The following SGTA variants were observed in gnomAD, a reference collection of about 807,000 sequenced individuals.
SGTA encodes small glutamine-rich tetratricopeptide repeat-containing protein alpha.
In SGTA, 22 loss-of-function variants were observed where a neutral mutation model predicts 44.3. The observed-to-expected ratio is 0.50, with a 90% confidence interval of 0.36 to 0.71. SGTA has a LOEUF of 0.71. SGTA is among the 30% of genes least tolerant of loss of function. SGTA has a pLI of 0.00. For missense variants in SGTA, 341 were observed against 435.9 expected (o/e 0.78, Z 1.94); for synonymous variants, 174 against 177.6 (o/e 0.98, Z 0.16).
At position 2,761,337 on chromosome 19, in the gene SGTA, C is replaced by A; in HGVS notation, c.699+123G>T. On this transcript the variant is annotated intron_variant, in intron 8 of 11. Transcript: ENST00000221566. The surrounding 1 kb of genome is among the most constrained non-coding windows in gnomAD (Gnocchi z 5.7). ...CCCAGGACGACCCCACAGACAAGAC[C>A]CATCTGGTTCCAGAAGCCAGCAGTG... The A allele has an allele frequency of 4.4e-6, 4 of 916,862 alleles. No individual in the cohort carries two copies. The highest frequency in any genetic ancestry group is 6.8e-6 in the Non-Finnish European group (4 of 587,218). The allele number at this position is 916,862 out of a possible 1,614,324, so 56.8% of individuals were successfully genotyped here.
chr19:2,770,073 T>C (rs912924898), intron 1 of SGTA: 38 of 50,798 alleles, frequency 7.5e-4, no homozygotes, highest in Non-Finnish European at 1.5e-4. Context: ...CCCCCCCGGA[T>C]ACCCTCCTGG....
At chr19:2,778,769 G>A (rs963318385) in intron 1 of SGTA, among the ~76,000 whole-genome samples, 4 of 152,080 alleles carry the variant, frequency 2.6e-5, no homozygotes, top group African/African-American at 9.7e-5. Flanking sequence ...AACAAAGTGA[G>A]GCCCTGTCTC....
At position 2,761,589 on chromosome 19, in the gene SGTA, A is replaced by G; in HGVS notation, c.637-67T>C. The G allele has an allele frequency of 2.2e-6, 3 of 1,335,510 alleles. No homozygotes were observed. Among genetic ancestry groups the G allele is most frequent in the Non-Finnish European group, 3.1e-6 (3 of 952,634 alleles). The allele number at this position is 1,335,510 out of a possible 1,614,324, so 82.7% of individuals were successfully genotyped here. ...AGGCCACGGTGAATAACCCCCTGGA[A>G]CTCAGAAACAACGGCCCCCCACGGG... On this transcript the variant is annotated intron_variant, in intron 7 of 11. Transcript: ENST00000221566. This position sits in a 1 kb window ranked among gnomAD's most constrained non-coding sequence, Gnocchi z 5.7.
intron 1 of SGTA, among the ~76,000 whole-genome samples, chr19:2,769,855 G>GCGGACACCAGCCTGGTTCCCCCAC (rs1915253244): frequency 1.4e-5 from 1 of 73,098 alleles, no homozygotes; most frequent in East Asian, 3.8e-4. Flanking sequence ...GGTTCCCCCA[G>GCGGACACCAGCCTGGTTCCCCCAC]CGGACACCAG....
chr19:2,777,091 G>C (rs1915460588), intron 1 of SGTA, among the ~76,000 whole-genome samples: 1 of 151,306 alleles, frequency 6.6e-6, no homozygotes, highest in Admixed American at 6.6e-5. Context: ...GTGAAACCCA[G>C]TGTACAAAAA....
intron 1 of SGTA, among the ~76,000 whole-genome samples, chr19:2,776,020 G>A (rs941159903): frequency 2.6e-5 from 4 of 152,156 alleles, no homozygotes; most frequent in Admixed American, 1.3e-4. Flanking sequence ...GCCTAGAGCC[G>A]GCGGGCAGCC....
intron 1 of SGTA, among the ~76,000 whole-genome samples, chr19:2,772,412 G>T (rs1050399098): frequency 6.6e-6 from 1 of 152,218 alleles, no homozygotes; most frequent in Non-Finnish European, 1.5e-5. Context: ...AGGAGGCCAC[G>T]GCTCCTCCTT....
chr19:2,776,631 A>G (rs937986488), intron 1 of SGTA, among the ~76,000 whole-genome samples: 1 of 152,196 alleles, frequency 6.6e-6, no homozygotes, highest in Non-Finnish European at 1.5e-5. Context: ...TAGCTGTGTG[A>G]ATGTGCTTAA....
At chr19:2,766,556 C>T (rs572956727) in intron 4 of SGTA, among the ~76,000 whole-genome samples, 14 of 152,226 alleles carry the variant, frequency 9.2e-5, no homozygotes, top group Admixed American at 8.5e-4. Context: ...CCTCAGCCTC[C>T]TGAGTAGTTG....
intron 1 of SGTA, among the ~76,000 whole-genome samples, chr19:2,778,842 G>A (rs1359597133): frequency 6.6e-6 from 1 of 152,188 alleles, no homozygotes; most frequent in Non-Finnish European, 1.5e-5. Context: ...AGGGAGCAAG[G>A]AGGTGAATCC....
Position 2,757,689 on chromosome 19 carries a change from T to C in SGTA, c.827+4A>G. ...TCCGTCCTCTTGGAAGCAGTTCCAC[T>C]CACGCCTGGATGAGGCTGGCCAGGT... is the stretch of plus-strand genomic sequence containing the variant. On this transcript the variant is annotated splice_donor_region_variant and intron_variant, in intron 10 of 11. Transcript: ENST00000221566. The C allele has an allele frequency of 6.4e-7, 1 of 1,565,382 alleles. No homozygotes were observed. Among genetic ancestry groups the C allele is most frequent in the Non-Finnish European group, 8.6e-7 (1 of 1,156,290 alleles).
rs1436348575 is a variant in SGTA at position 2,767,404 on chromosome 19, G to T, written c.207+176C>A. Among the ~76,000 whole-genome samples, 2 of 152,122 alleles carry T rather than the reference G, an allele frequency of 1.3e-5. No individual in the cohort carries two copies. Among genetic ancestry groups the T allele is most frequent in the Non-Finnish European group, 2.9e-5 (2 of 67,990 alleles). On this transcript the variant is annotated intron_variant, in intron 3 of 11. Transcript: ENST00000221566. This position sits in a 1 kb window ranked among gnomAD's most constrained non-coding sequence, Gnocchi z 7.3. ...GTGACCACAGCGCTATGTGTCTCAG[G>T]ACCCGCCGATAGGGGGAGGAGGGCC...
In SGTA at chr19:2,755,892, C is replaced by G. The variant is rs912664818; in HGVS notation, c.*48G>C. 6 of 985,604 alleles carry G rather than the reference C, an allele frequency of 6.1e-6. No individual in the cohort carries two copies. The highest frequency in any genetic ancestry group is 7.2e-6 in the Non-Finnish European group (6 of 830,138). 61.1% of individuals were successfully genotyped at this position (985,604 alleles called of 1,614,324 possible). On this transcript the variant is annotated 3_prime_UTR_variant, in exon 12 of 12. Coordinates refer to ENST00000221566, the MANE Select transcript of SGTA (RefSeq NM_003021.4). This position sits in a 1 kb window ranked among gnomAD's most constrained non-coding sequence, Gnocchi z 5.2. ...AAGTGGCAGACAACCAGAAGGCTTC[C>G]TTCGGGTCGGCCAGGGAAGGACGCG...
chr19:2,768,947 G>C, intron 2 of SGTA, 22 bp downstream of exon 2: 1 of 1,566,384 alleles, frequency 6.4e-7, no homozygotes, highest in Non-Finnish European at 8.8e-7. Context: ...GGGAGAGGGG[G>C]AAGTGGCAGG....
In SGTA at chr19:2,757,370, G is replaced by A. The variant is rs1056199653; in HGVS notation, c.915C>T (p.Ser305=). Residue 305 remains serine, a synonymous_variant, in exon 11 of 12, where the codon AGC becomes AGT. Transcript: ENST00000221566. ...LRSQIRSRTP[S]ASNDDQQE is the part of the protein sequence containing the mutation. ...ACTCCTGCTGGTCGTCGTTGCTGGCGCTGGGCGTCCGACTCCGGATCTGGC... is the reference window on the plus strand; with the variant it reads ...ACTCCTGCTGGTCGTCGTTGCTGGCACTGGGCGTCCGACTCCGGATCTGGC... The A allele has an allele frequency of 2.5e-6, 4 of 1,605,020 alleles. No homozygotes were observed. The highest frequency in any genetic ancestry group is 1.3e-5 in the African/African-American group (1 of 74,908).
At position 2,761,376 on chromosome 19, in the gene SGTA, G is replaced by T; in HGVS notation, c.699+84C>A. 8.0e-7 allele frequency: 1 copy of T among 1,255,332 alleles called. No homozygotes were observed. Among genetic ancestry groups the T allele is most frequent in the Non-Finnish European group, 1.1e-6 (1 of 882,408 alleles). 77.8% of individuals were successfully genotyped at this position (1,255,332 alleles called of 1,614,324 possible). ...AAGCCAGCAGTGCCAAGGCAAGGAA[G>T]CCCTGGCCAGTAGCGGACACAGCAG... On this transcript the variant is annotated intron_variant, in intron 8 of 11. Coordinates refer to ENST00000221566, the MANE Select transcript of SGTA (RefSeq NM_003021.4). The surrounding 1 kb of genome is among the most constrained non-coding windows in gnomAD (Gnocchi z 5.7).
At chr19:2,775,467 A>G (rs890725540) in intron 1 of SGTA, among the ~76,000 whole-genome samples, 6 of 152,284 alleles carry the variant, frequency 3.9e-5, no homozygotes, top group African/African-American at 1.4e-4. Flanking sequence ...CTAAACAAGC[A>G]TAGTCCCAGA....
rs772254273 is a variant in SGTA at position 2,755,230 on chromosome 19, C to A, written c.*710G>T. On this transcript the variant is annotated 3_prime_UTR_variant, in exon 12 of 12. Transcript: ENST00000221566. This position sits in a 1 kb window ranked among gnomAD's most constrained non-coding sequence, Gnocchi z 5.2. ...CATGATGTCGCCCCTGGCTCTCAGTCGCGAGGACCAGAAAATGAGGGTGGG... is the reference window on the plus strand; with the variant it reads ...CATGATGTCGCCCCTGGCTCTCAGTAGCGAGGACCAGAAAATGAGGGTGGG... 51 of 195,330 alleles carry A rather than the reference C, an allele frequency of 2.6e-4. No homozygotes were observed. Among genetic ancestry groups the A allele is most frequent in the Middle Eastern group, 1.6e-3 (3 of 1,920 alleles). The allele number at this position is 195,330 out of a possible 1,614,324, so 12.1% of individuals were successfully genotyped here.
At chr19:2,764,327 C>G (rs1258239342) in intron 5 of SGTA, among the ~76,000 whole-genome samples, 1 of 152,256 alleles carries the variant, frequency 6.6e-6, no homozygotes, top group Non-Finnish European at 1.5e-5. Flanking sequence ...CAACCCTCCA[C>G]ATACTGGATT....
Sources: allele counts gnomAD v4.1 joint callset (sites outside exome capture counted in the v4.1 genomes callset), GRCh38; gene constraint gnomAD v4.1.1; non-coding constraint Gnocchi (gnomAD v3.1); transcripts MANE v1.5; gene names NCBI Gene and HGNC (gene_info 2026-07-23, HGNC 2026-07-21).